The following CTNNA3 variants were observed in gnomAD, a reference collection of about 807,000 sequenced individuals.
CTNNA3 encodes the protein catenin alpha 3, also known as catenin alpha-3.
In CTNNA3, 76 loss-of-function variants were observed where a neutral mutation model predicts 95.7. The observed-to-expected ratio is 0.79, with a 90% CI of 0.66 to 0.96. CTNNA3 has a LOEUF of 0.96. Ranked by LOEUF, CTNNA3 falls within the 40% of genes least tolerant of loss-of-function variation. The probability of loss-of-function intolerance (pLI) is 0.00; values close to 1 mark genes in which losing one functional copy is unlikely to be tolerated. For missense variants in CTNNA3, 1,191 were observed against 1,089.8 expected, an observed-to-expected ratio of 1.09 and a Z score of -1.31; for synonymous variants, 431 against 374.4, an observed-to-expected ratio of 1.15 and a Z score of -1.74.
At chr10:67,007,833 C>A (rs1448746578) in intron 7 of CTNNA3, among the ~76,000 whole-genome samples, 1 of 151,696 alleles carries the variant, frequency 6.6e-6, no homozygotes, top group Non-Finnish European at 1.5e-5. Context: ...AACCATTCAC[C>A]TCAAAATAGC....
chr10:66,420,352 A>G (rs35177325), intron 11 of CTNNA3, among the ~76,000 whole-genome samples: 30,857 of 152,114 alleles, frequency 0.2, 3,472 homozygotes, highest in South Asian at 0.3. Context: ...TCCAGTTAGG[A>G]TGGCTATTTT....
At chr10:66,639,576 T>C (rs541141134) in intron 9 of CTNNA3, among the ~76,000 whole-genome samples, 1 of 152,284 alleles carries the variant, frequency 6.6e-6, no homozygotes, top group African/African-American at 2.4e-5. Flanking sequence ...GTCCAGTTAG[T>C]GGAAACACAT....
intron 9 of CTNNA3, among the ~76,000 whole-genome samples, chr10:66,698,507 T>C (rs909603340): frequency 6.6e-6 from 1 of 152,204 alleles, no homozygotes; most frequent in Non-Finnish European, 1.5e-5. Context: ...TTAAGTGGTA[T>C]TTCATATGGT....
chr10:67,262,472 C>T (rs1439722262), intron 5 of CTNNA3, among the ~76,000 whole-genome samples: 3 of 152,056 alleles, frequency 2.0e-5, no homozygotes, highest in African/African-American at 7.2e-5. Context: ...GATTCCCCAA[C>T]TTATATTAGT....
At chr10:66,492,901 T>C (rs1216332899) in intron 11 of CTNNA3, among the ~76,000 whole-genome samples, 1 of 152,124 alleles carries the variant, frequency 6.6e-6, no homozygotes, top group East Asian at 1.9e-4. Context: ...TGGTTCTGCA[T>C]TTTTTTCCTG....
At chr10:66,186,155 T>A (rs1481283895) in intron 13 of CTNNA3, among the ~76,000 whole-genome samples, 1 of 152,088 alleles carries the variant, frequency 6.6e-6, no homozygotes, top group African/African-American at 2.4e-5. Context: ...CTGACAAGTG[T>A]TTGAGGCAAT....
At chr10:66,131,001 A>G (rs750177955) in intron 13 of CTNNA3, among the ~76,000 whole-genome samples, 6 of 151,862 alleles carry the variant, frequency 4.0e-5, no homozygotes, top group Non-Finnish European at 8.8e-5. Flanking sequence ...TGAACCATGA[A>G]GAAACTGAAT....
chr10:66,734,840 G>A (rs1248378929), intron 9 of CTNNA3, among the ~76,000 whole-genome samples: 2 of 147,058 alleles, frequency 1.4e-5, no homozygotes, highest in African/African-American at 5.0e-5. Context: ...TCCAGCCTGG[G>A]CAACACTGTC....
chr10:66,148,973 T>C (rs1589557222), intron 13 of CTNNA3, among the ~76,000 whole-genome samples: 1 of 151,484 alleles, frequency 6.6e-6, no homozygotes, highest in African/African-American at 2.4e-5. Flanking sequence ...GTAATGAACA[T>C]GCATTATATT....
chr10:66,422,254 T>C (rs932622889), intron 11 of CTNNA3, among the ~76,000 whole-genome samples: 2 of 152,130 alleles, frequency 1.3e-5, no homozygotes, highest in Admixed American at 6.5e-5. Flanking sequence ...AAAATGAAAC[T>C]AATAAGATTT....
intron 1 of CTNNA3, among the ~76,000 whole-genome samples, chr10:67,684,053 G>A (rs7087110): frequency 0.059 from 8,999 of 152,280 alleles, 283 homozygotes; most frequent in South Asian, 0.1. Context: ...GGACCTGAGC[G>A]GGTTGCCGCT....
chr10:67,012,786 G>A (rs559305007), intron 7 of CTNNA3, among the ~76,000 whole-genome samples: 2 of 152,154 alleles, frequency 1.3e-5, no homozygotes, highest in Admixed American at 6.5e-5. Flanking sequence ...TGGAATTCAC[G>A]AGTGTTTGTT....
At chr10:66,203,781 T>C (rs1333754671) in intron 13 of CTNNA3, among the ~76,000 whole-genome samples, 1 of 152,146 alleles carries the variant, frequency 6.6e-6, no homozygotes, top group Non-Finnish European at 1.5e-5. Flanking sequence ...AATTTATTCA[T>C]TAACTGAAAT....
intron 10 of CTNNA3, among the ~76,000 whole-genome samples, chr10:66,523,094 A>T (rs1334899279): frequency 6.6e-6 from 1 of 152,206 alleles, no homozygotes; most frequent in African/African-American, 2.4e-5. Flanking sequence ...ACTACTGTGC[A>T]GTATGCCTTG....
Position 66,099,701 on chromosome 10 carries a change from T to G in CTNNA3, c.1977+3456A>C, listed in dbSNP as rs943384972. 3.3e-5 allele frequency among the ~76,000 whole-genome samples: 5 copies of G among 152,308 alleles called. No homozygotes were observed. The South Asian group carries it at 1.0e-3, about 32-fold the overall frequency. Reference sequence around the variant, plus strand: ...ATTATCTACAATATAAAATAATTTCTCTTCAAAATTTAAAGGAAAATTTGT... The same window carrying G: ...ATTATCTACAATATAAAATAATTTCGCTTCAAAATTTAAAGGAAAATTTGT... On this transcript the variant is annotated intron_variant, in intron 14 of 17. Transcript: ENST00000433211.
rs34633436 is a variant in CTNNA3, at chr10:67,645,940, C to CATAT, written c.99+1471_99+1474dup. ...CACTTGTTAATATATATATATTCTT[C>CATAT]ATATATATATATATAATATATATAC... On this transcript the variant is annotated intron_variant, in intron 2 of 17. Coordinates refer to ENST00000433211, the MANE Select transcript of CTNNA3 (RefSeq NM_013266.4). Among the ~76,000 whole-genome samples, 43 of 145,722 alleles carry CATAT rather than the reference C, an allele frequency of 3.0e-4. 1 individual carries two copies. The East Asian group carries it at 4.0e-3, about 13-fold the overall frequency.
At chr10:67,469,607 C>CG (rs953631458) in intron 5 of CTNNA3, among the ~76,000 whole-genome samples, 5 of 69,178 alleles carry the variant, frequency 7.2e-5, no homozygotes, top group Non-Finnish European at 1.4e-4. Context: ...CGGGGCCTGT[C>CG]GGGGGGTGGG....
intron 9 of CTNNA3, among the ~76,000 whole-genome samples, chr10:66,659,221 C>T (rs574979029): frequency 8.1e-5 from 12 of 149,014 alleles, no homozygotes; most frequent in Admixed American, 3.3e-4. Context: ...CACACACATA[C>T]GTGTAGTTCA....
chr10:67,680,425 T>C (rs1840605037), intron 1 of CTNNA3, among the ~76,000 whole-genome samples: 1 of 152,200 alleles, frequency 6.6e-6, no homozygotes. Flanking sequence ...ATTTCACCAA[T>C]CAATCATGGC....
Sources: gnomAD v4.1 joint callset for allele counts (sites outside exome capture counted in the v4.1 genomes callset) on GRCh38, gnomAD v4.1.1 for gene constraint, MANE v1.5 for transcripts, NCBI Gene and HGNC (gene_info 2026-07-23, HGNC 2026-07-21) for gene names.